Variants in NLRP4 observed in about 807,000 individuals in gnomAD.
The protein encoded by NLRP4 is NACHT, LRR and PYD domains-containing protein 4.
NLRP4 carries 44 observed loss-of-function variants against 84.7 expected under a neutral mutation model. That is an observed-to-expected ratio of 0.52 (90% CI 0.41 to 0.67). The LOEUF (loss-of-function observed/expected upper bound fraction) is 0.67. NLRP4 is among the 30% of genes least tolerant of loss of function. The probability of loss-of-function intolerance (pLI) is 0.00; values close to 1 mark genes in which losing one functional copy is unlikely to be tolerated. For missense variants in NLRP4, 1,260 were observed against 1,219.4 expected, an observed-to-expected ratio of 1.03 and a Z score of -0.50; for synonymous variants, 544 against 476.4, an observed-to-expected ratio of 1.14 and a Z score of -1.85.
intron 5 of NLRP4, among the ~76,000 whole-genome samples, chr19:55,866,807 AATATCTT>A (rs1300481729): frequency 1.3e-5 from 2 of 152,212 alleles, no homozygotes; most frequent in African/African-American, 2.4e-5. Flanking sequence ...AAACATGAAT[AATATCTT>A]AGAGAATGAA....
At chr19:55,876,009 C>G (rs1568674936) in intron 7 of NLRP4, among the ~76,000 whole-genome samples, 1 of 152,142 alleles carries the variant, frequency 6.6e-6, no homozygotes, top group East Asian at 1.9e-4. Flanking sequence ...TGCATTCCAG[C>G]CTGGACAACA....
intron 6 of NLRP4, among the ~76,000 whole-genome samples, 186 bp from the exon 7 acceptor site, chr19:55,870,641 C>A (rs1197219868): frequency 6.6e-6 from 1 of 152,068 alleles, no homozygotes; most frequent in Non-Finnish European, 1.5e-5. Context: ...CCAGCCCGGG[C>A]GACGACAGCA....
chr19:55,858,360 G>GC lies in NLRP4; in HGVS notation c.967_968insC (p.Glu323AlafsTer10). The GC allele has an allele frequency of 6.2e-7, 1 of 1,614,174 alleles. No individual in the cohort carries two copies. Among genetic ancestry groups the GC allele is most frequent in the Non-Finnish European group, 8.5e-7 (1 of 1,180,028 alleles). ...CTTCAAAGACCCGAAAAGAGCCATG[G>GC]AAGCCTTCAATCTTGTAAGAGAAAG... On this transcript the variant is annotated frameshift_variant, in exon 3 of 10. Transcript: ENST00000301295. LOFTEE classifies it high-confidence loss of function. The surrounding 1 kb of genome is among the most constrained non-coding windows in gnomAD (Gnocchi z 4.2).
chr19:55,859,448 T>C (rs1568665904), intron 3 of NLRP4, among the ~76,000 whole-genome samples, 199 bp downstream of exon 3: 1 of 152,302 alleles, frequency 6.6e-6, no homozygotes, highest in African/African-American at 2.4e-5. Context: ...GTGGCTGCAG[T>C]GGCCCCATTA....
intron 1 of NLRP4, among the ~76,000 whole-genome samples, chr19:55,850,194 G>GCTGCGGTGGAATTTCCGAGA: frequency 8.2e-6 from 1 of 122,326 alleles, no homozygotes; most frequent in Non-Finnish European, 1.6e-5. Context: ...AATTTCCGTG[G>GCTGCGGTGGAATTTCCGAGA]CTGCGGTGTA....
In NLRP4 at chr19:55,851,391, GAGGC is replaced by G. The variant is rs1349390439; in HGVS notation, c.-65-624_-65-621del. On this transcript the variant is annotated intron_variant, in intron 1 of 9. Transcript: ENST00000301295. Reference sequence around the variant, plus strand: ...TGTCCGAGGCTGCGGTGTAATGTCCGAGGCTGCGGTGTAATTTACGAGGCTGCGG... The same window carrying G: ...TGTCCGAGGCTGCGGTGTAATGTCCGTGCGGTGTAATTTACGAGGCTGCGG... Among the ~76,000 whole-genome samples the G allele has an allele frequency of 1.4e-4, 11 of 76,064 alleles. 1 individual carries two copies. The highest frequency in any genetic ancestry group is 1.9e-4 in the Non-Finnish European group (9 of 46,802). The allele number at this position is 76,064 out of a possible 152,430, so 49.9% of individuals were successfully genotyped here.
chr19:55,861,956 G>C (rs777891519), intron 4 of NLRP4, 36 bp from the exon 5 acceptor site: 1 of 1,503,300 alleles, frequency 6.7e-7, no homozygotes, highest in Non-Finnish European at 9.3e-7. Context: ...GCTCCCATTA[G>C]ATGAAACTCA....
chr19:55,870,762 T>G, intron 6 of NLRP4, 65 bp from the exon 7 acceptor site: 1 of 1,183,110 alleles, frequency 8.5e-7, no homozygotes, highest in African/African-American at 1.5e-5. Flanking sequence ...AATGTGAAAT[T>G]AAGCAAATCT....
intron 1 of NLRP4, among the ~76,000 whole-genome samples, chr19:55,847,284 AAG>A (rs1323572069): frequency 6.6e-6 from 1 of 152,166 alleles, no homozygotes; most frequent in African/African-American, 2.4e-5. Context: ...CCTTAAGACA[AAG>A]AAGATGACTT....
At position 55,858,698 on chromosome 19, in the gene NLRP4, C is replaced by T; in HGVS notation, c.1305C>T (p.Thr435=). ...CTGACATCCCTGCGCTGCTGGGCAC[C>T]AAGATACTTCTGAAGTACGGGGAGC... ...VDADIPALLG[T]KILLKYGERE... The change falls in exon 3 of 10, where the codon ACC becomes ACT. Residue 435 remains threonine, a synonymous_variant. Transcript: ENST00000301295. This position sits in a 1 kb window ranked among gnomAD's most constrained non-coding sequence, Gnocchi z 4.2. 3.7e-6 allele frequency: 6 copies of T among 1,614,078 alleles called. No homozygotes were observed. Among genetic ancestry groups the T allele is most frequent in the Non-Finnish European group, 5.1e-6 (6 of 1,179,960 alleles).
intron 6 of NLRP4, among the ~76,000 whole-genome samples, chr19:55,869,897 T>A (rs1985108224): frequency 6.6e-6 from 1 of 152,202 alleles, no homozygotes; most frequent in African/African-American, 2.4e-5. Context: ...AAGACCAGCC[T>A]GGGCACCATG....
At position 55,852,119 on chromosome 19, in the gene NLRP4, G is replaced by A. The variant is rs768956865; in HGVS notation, c.39G>A (p.Trp13Ter). The A allele has an allele frequency of 1.9e-6, 3 of 1,603,318 alleles. No individual in the cohort carries two copies. The highest frequency in any genetic ancestry group is 1.7e-6 in the Non-Finnish European group (2 of 1,176,936). The part of the protein sequence containing the change: ...ASFFSDFGLM[W>*]YLEELKKEEF... ...TCTTCTCTGATTTTGGTCTTATGTG[G>A]TATCTGGAGGAGCTCAAAAAGGAGG... is the stretch of plus-strand genomic sequence containing the variant. Residue 13 changes from tryptophan to a stop codon, truncating the protein, a stop_gained, in exon 2 of 10, where the codon TGG (tryptophan) becomes TGA (stop). Coordinates refer to ENST00000301295, the MANE Select transcript of NLRP4 (RefSeq NM_134444.5). LOFTEE classifies it high-confidence loss of function.
chr19:55,877,146 T>C lies in NLRP4; in HGVS notation c.2676T>C (p.Asp892=), dbSNP rs777189134. The C allele has an allele frequency of 3.7e-6, 6 of 1,613,858 alleles. No individual in the cohort carries two copies. In the African/African-American group the frequency reaches 6.7e-5, roughly 18 times the overall value. ...TGTGTCGGGCTCTGACGCATACGGA[T>C]TGCCGCTTAGAGATTCTTGGGTGGG... ...QLLCRALTHT[D]CRLEILGLEE... Residue 892 remains aspartate, a synonymous_variant, in exon 8 of 10, where the codon GAT becomes GAC. Coordinates refer to ENST00000301295, the MANE Select transcript of NLRP4 (RefSeq NM_134444.5).
intron 1 of NLRP4, 86 bp from the exon 2 acceptor site, chr19:55,851,929 TC>T (rs1225851525): frequency 1.6e-5 from 10 of 611,618 alleles, no homozygotes; most frequent in Non-Finnish European, 2.5e-5. Context: ...TTCATTGCCA[TC>T]CCCCCAGTAC....
chr19:55,867,948 G>C (rs1985026607), intron 6 of NLRP4, 72 bp downstream of exon 6: 1 of 1,344,742 alleles, frequency 7.4e-7, no homozygotes, highest in Non-Finnish European at 1.0e-6. Context: ...ATTGATGACA[G>C]TCTGCTCATT....
At chr19:55,849,097 A>G (rs1391723917) in intron 1 of NLRP4, among the ~76,000 whole-genome samples, 6 of 152,210 alleles carry the variant, frequency 3.9e-5, no homozygotes, top group Non-Finnish European at 7.3e-5. Flanking sequence ...GAACAGACTA[A>G]TACACCACAC....
At chr19:55,844,289 CTTTT>C (rs987354645) in intron 1 of NLRP4, among the ~76,000 whole-genome samples, 9 of 151,788 alleles carry the variant, frequency 5.9e-5, no homozygotes, top group Non-Finnish European at 1.2e-4. Flanking sequence ...TTTCTTTTTT[CTTTT>C]TATTTTTCGA....
intron 1 of NLRP4, among the ~76,000 whole-genome samples, chr19:55,837,823 C>A (rs1983427521): frequency 6.6e-6 from 1 of 151,548 alleles, no homozygotes; most frequent in Non-Finnish European, 1.5e-5. Flanking sequence ...ATCATCTGAG[C>A]TCAGGAGTTT....
At chr19:55,856,042 A>G (rs1984397024) in intron 2 of NLRP4, among the ~76,000 whole-genome samples, 1 of 152,234 alleles carries the variant, frequency 6.6e-6, no homozygotes, top group South Asian at 2.1e-4. Context: ...TGCCAGGGCT[A>G]GATTACAGTG....
Sources: allele counts gnomAD v4.1 joint callset (sites outside exome capture counted in the v4.1 genomes callset), GRCh38; gene constraint gnomAD v4.1.1; non-coding constraint Gnocchi (gnomAD v3.1); transcripts MANE v1.5; gene names NCBI Gene and HGNC (gene_info 2026-07-23, HGNC 2026-07-21).